Variants in KCNMA1 observed in about 807,000 individuals in gnomAD.
KCNMA1 encodes the protein potassium calcium-activated channel subfamily M alpha 1.
In KCNMA1, 29 loss-of-function variants were observed where a neutral mutation model predicts 140.0. That is an observed-to-expected ratio of 0.21 (90% CI 0.15 to 0.28). The LOEUF (loss-of-function observed/expected upper bound fraction) is 0.28. KCNMA1 is among the 10% of genes least tolerant of loss of function. The pLI is 1.00. For synonymous variants in KCNMA1, 612 were observed against 611.9 expected (o/e 1.00, Z 0.00); for missense variants, 880 against 1,602.2 (o/e 0.55, Z 7.70).
intron 1 of KCNMA1, among the ~76,000 whole-genome samples, chr10:77,457,932 C>A (rs983525497): frequency 2.0e-5 from 3 of 151,276 alleles, no homozygotes; most frequent in Non-Finnish European, 2.9e-5. Flanking sequence ...TGTTTACTGC[C>A]TTTTTCTAAA....
At chr10:77,510,877 A>T (rs995913387) in intron 1 of KCNMA1, among the ~76,000 whole-genome samples, 9 of 152,226 alleles carry the variant, frequency 5.9e-5, no homozygotes, top group Non-Finnish European at 1.3e-4. Context: ...ACGCCAATTA[A>T]CAACACATGG....
At chr10:76,936,180 G>A (rs898975867) in intron 23 of KCNMA1, among the ~76,000 whole-genome samples, 16 of 152,166 alleles carry the variant, frequency 1.1e-4, no homozygotes, top group Non-Finnish European at 2.4e-4. Flanking sequence ...GATTCATCTT[G>A]GGATGTCCAC....
intron 3 of KCNMA1, among the ~76,000 whole-genome samples, chr10:77,219,416 G>A (rs1056979643): frequency 1.3e-5 from 2 of 152,104 alleles, no homozygotes; most frequent in Non-Finnish European, 2.9e-5. Context: ...GAAGAGAGAC[G>A]TGTACATTCC....
At chr10:77,634,550 C>CAGATGTTACAAA (rs11267950) in intron 1 of KCNMA1, 1 of 983,052 alleles carries the variant, frequency 1.0e-6, no homozygotes, top group Non-Finnish European at 1.2e-6. Context: ...CACAGAATTT[C>CAGATGTTACAAA]AGACCTGCTT....
chr10:77,449,082 G>GA (rs373023965), intron 1 of KCNMA1, among the ~76,000 whole-genome samples: 1,856 of 121,492 alleles, frequency 0.015, 23 homozygotes, highest in Middle Eastern at 0.06. Context: ...GCAAGACTCC[G>GA]AAAAAAAAAA....
chr10:77,149,127 C>CT (rs2098371627), intron 5 of KCNMA1, among the ~76,000 whole-genome samples: 1 of 152,214 alleles, frequency 6.6e-6, no homozygotes, highest in Non-Finnish European at 1.5e-5. Flanking sequence ...CAGCTGGGAA[C>CT]TTTGCACTTG....
chr10:76,905,798 CTAGAATGAAAGTTTAAA>C (rs2047601340), intron 25 of KCNMA1, among the ~76,000 whole-genome samples: 1 of 152,220 alleles, frequency 6.6e-6, no homozygotes, highest in Admixed American at 6.5e-5. Context: ...TCTTAACCCA[CTAGAATGAAAGTTTAAA>C]TAACATGAAG....
intron 5 of KCNMA1, among the ~76,000 whole-genome samples, chr10:77,145,707 C>T (rs931158910): frequency 6.6e-6 from 1 of 152,206 alleles, no homozygotes; most frequent in Non-Finnish European, 1.5e-5. Flanking sequence ...AAATTGACCT[C>T]TTCAGTGAAG....
At chr10:77,364,148 T>C (rs2094185239) in intron 2 of KCNMA1, among the ~76,000 whole-genome samples, 1 of 151,956 alleles carries the variant, frequency 6.6e-6, no homozygotes, top group Non-Finnish European at 1.5e-5. Flanking sequence ...CCATGAACCA[T>C]AAATTAAGAA....
rs2086450060 is a variant in KCNMA1 at position 77,001,527 on chromosome 10, G to A, written c.2146C>T (p.Arg716Cys). The A allele has an allele frequency of 6.4e-6, 10 of 1,551,990 alleles. No individual in the cohort carries two copies. Among genetic ancestry groups the A allele is most frequent in the East Asian group, 4.9e-5 (2 of 40,928 alleles). Residue 716 changes from arginine (R) to cysteine (C), a missense_variant, in exon 19 of 28, where the codon CGT becomes TGT. Around this residue, in one of 13 missense-constraint regions of KCNMA1, gnomAD observed 196 missense variants for 233.0 expected, o/e 0.84. Coordinates refer to ENST00000286628, the MANE Select transcript of KCNMA1 (RefSeq NM_001161352.2). ...MRRACCFDCGRSERDCSCMSG... is the reference protein window; with the variant it reads ...MRRACCFDCGCSERDCSCMSG... ...ATGCATGAGCAGTCACGCTCAGAAC[G>A]TCCGCAATCAAAACAACATGCCCGT...
chr10:76,880,374 G>A (rs2034131403), downstream of KCNMA1, among the ~76,000 whole-genome samples: 1 of 152,128 alleles, frequency 6.6e-6, no homozygotes, highest in African/African-American at 2.4e-5. Flanking sequence ...CACAAGGAGT[G>A]AGTTGTGTTA....
At chr10:77,063,581 A>G (rs2095837832) in intron 14 of KCNMA1, 1 of 228,586 alleles carries the variant, frequency 4.4e-6, no homozygotes, top group Admixed American at 6.5e-5. Flanking sequence ...CTAGATGTGT[A>G]GAATAGTTGC....
At chr10:77,180,230 G>A (rs750699234) in intron 5 of KCNMA1, among the ~76,000 whole-genome samples, 1 of 152,182 alleles carries the variant, frequency 6.6e-6, no homozygotes, top group African/African-American at 2.4e-5. Context: ...TGCCTGAAAT[G>A]CCCCTATTTA....
At chr10:77,035,894 T>C (rs1215876769) in intron 15 of KCNMA1, among the ~76,000 whole-genome samples, 1 of 152,196 alleles carries the variant, frequency 6.6e-6, no homozygotes. Flanking sequence ...TGATGGTTAA[T>C]ATTGAGTGTC....
At chr10:77,581,862 GGAAGAC>G (rs2075985602) in intron 1 of KCNMA1, among the ~76,000 whole-genome samples, 1 of 152,224 alleles carries the variant, frequency 6.6e-6, no homozygotes, top group Non-Finnish European at 1.5e-5. Context: ...CCTCAATGGA[GGAAGAC>G]AGCTTCAAAG....
intron 15 of KCNMA1, among the ~76,000 whole-genome samples, chr10:77,029,962 G>C (rs1384675952): frequency 6.6e-6 from 1 of 152,208 alleles, no homozygotes; most frequent in Non-Finnish European, 1.5e-5. Context: ...GGGGATTTTA[G>C]TTGGTTTAAA....
Position 77,147,148 on chromosome 10 carries a change from G to C in KCNMA1, c.809-26100C>G, listed in dbSNP as rs537509164. On this transcript the variant is annotated intron_variant, in intron 5 of 27. Coordinates refer to ENST00000286628, the MANE Select transcript of KCNMA1 (RefSeq NM_001161352.2). The stretch of plus-strand genomic sequence containing the variant: ...GTGAGTAATCTGATGTGTGTGACTT[G>C]AAACAGGGAACATAAACATCAAGGC... 1.1e-3 allele frequency among the ~76,000 whole-genome samples: 160 copies of C among 152,340 alleles called. No individual in the cohort carries two copies. In the Middle Eastern group the frequency reaches 0.014, roughly 13 times the overall value.
intron 2 of KCNMA1, among the ~76,000 whole-genome samples, chr10:77,385,160 A>G (rs2095558032): frequency 6.6e-6 from 1 of 152,216 alleles, no homozygotes; most frequent in Non-Finnish European, 1.5e-5. Context: ...CTCTCCAGAT[A>G]CTCAATAAGA....
intron 14 of KCNMA1, among the ~76,000 whole-genome samples, chr10:77,051,750 G>A (rs1450031515): frequency 6.6e-6 from 1 of 152,060 alleles, no homozygotes; most frequent in Non-Finnish European, 1.5e-5. Flanking sequence ...ATGTGCTCCT[G>A]AGCCAAGGAG....
Sources: gnomAD v4.1 joint callset for allele counts (sites outside exome capture counted in the v4.1 genomes callset) on GRCh38, gnomAD v4.1.1 for gene constraint, gnomAD v4.1.1 regional missense constraint, MANE v1.5 for transcripts, NCBI Gene and HGNC (gene_info 2026-07-23, HGNC 2026-07-21) for gene names.